The following SIPA1L1 variants were observed in gnomAD, a reference collection of about 807,000 sequenced individuals.
SIPA1L1 encodes signal-induced proliferation-associated 1-like protein 1.
A neutral mutation model predicts 162.7 loss-of-function variants in SIPA1L1; 26 were observed. That is an observed-to-expected ratio of 0.16 (90% CI 0.12 to 0.22). The LOEUF (loss-of-function observed/expected upper bound fraction) is 0.22. Ranked by LOEUF, SIPA1L1 falls within the 10% of genes least tolerant of loss-of-function variation. SIPA1L1 has a pLI of 1.00. For missense variants in SIPA1L1, 1,874 were observed against 2,241.0 expected, an observed-to-expected ratio of 0.84 and a Z score of 3.31; for synonymous variants, 829 against 837.4, an observed-to-expected ratio of 0.99 and a Z score of 0.17.
At chr14:71,464,133 C>T (rs1051878808) in intron 2 of SIPA1L1, among the ~76,000 whole-genome samples, 1 of 152,184 alleles carries the variant, frequency 6.6e-6, no homozygotes, top group African/African-American at 2.4e-5. Context: ...GGTATATCTT[C>T]TGGACCTTCC....
At position 71,685,619 on chromosome 14, in the gene SIPA1L1, C is replaced by T. The variant is rs1412336613; in HGVS notation, c.3362C>T (p.Pro1121Leu). The T allele has an allele frequency of 6.2e-7, 1 of 1,614,092 alleles. No individual in the cohort carries two copies. The highest frequency in any genetic ancestry group is 8.5e-7 in the Non-Finnish European group (1 of 1,179,996). ...IPRSISSDGR[P>L]LERRLSPGSD... ...CGAAGCATCTCCAGTGACGGGCGCC[C>T]ACTAGAGAGGCGGTAAGTGTGCCTT... The change falls in exon 13 of 24, where the codon CCA becomes CTA. Residue 1121 changes from proline to leucine, a missense_variant. Pro to Leu is a moderately conservative substitution (Grantham distance 98, BLOSUM62 -3). Transcript: ENST00000381232.
chr14:71,707,352 C>G (rs2082526635), intron 16 of SIPA1L1, among the ~76,000 whole-genome samples: 1 of 152,120 alleles, frequency 6.6e-6, no homozygotes, highest in Non-Finnish European at 1.5e-5. Context: ...AATTCACATA[C>G]CATAGTATTT....
intron 2 of SIPA1L1, among the ~76,000 whole-genome samples, chr14:71,323,066 T>TA (rs1433571303): frequency 6.6e-6 from 1 of 152,264 alleles, no homozygotes; most frequent in South Asian, 2.1e-4. Flanking sequence ...TCTCTGTCCT[T>TA]ACACTAGTAT....
chr14:71,641,292 A>C (rs1388739688), intron 7 of SIPA1L1, among the ~76,000 whole-genome samples: 1 of 152,048 alleles, frequency 6.6e-6, no homozygotes, highest in African/African-American at 2.4e-5. Context: ...AAAAAAAAAA[A>C]AAAATCAAAT....
intron 2 of SIPA1L1, among the ~76,000 whole-genome samples, chr14:71,339,299 G>A (rs550637624): frequency 2.0e-4 from 30 of 152,082 alleles, no homozygotes; most frequent in Admixed American, 1.8e-3. Context: ...TTACTGACAA[G>A]CCCTCCTTGT....
At chr14:71,687,655 G>A (rs931505103) in intron 13 of SIPA1L1, among the ~76,000 whole-genome samples, 7 of 152,194 alleles carry the variant, frequency 4.6e-5, no homozygotes, top group African/African-American at 1.7e-4. Context: ...ATATTTCGAT[G>A]GGAGCAGCTT....
At chr14:71,715,081 A>G (rs529824293) in intron 17 of SIPA1L1, among the ~76,000 whole-genome samples, 4 of 152,334 alleles carry the variant, frequency 2.6e-5, no homozygotes, top group African/African-American at 7.2e-5. Context: ...GCCTTAACCT[A>G]GTTATTGGAT....
intron 2 of SIPA1L1, among the ~76,000 whole-genome samples, chr14:71,447,562 ATTTT>A (rs61686460): frequency 1.3e-4 from 16 of 127,774 alleles, no homozygotes; most frequent in Non-Finnish European, 1.7e-4. Flanking sequence ...TGTACTGTGG[ATTTT>A]TTTTTTTTTT....
At chr14:71,405,382 A>G (rs899404699) in intron 2 of SIPA1L1, among the ~76,000 whole-genome samples, 25 of 152,210 alleles carry the variant, frequency 1.6e-4, no homozygotes, top group African/African-American at 3.1e-4. Flanking sequence ...GAAATTGAAG[A>G]GAAATAACTA....
chr14:71,608,416 A>C (rs1000724507), intron 5 of SIPA1L1, among the ~76,000 whole-genome samples: 5 of 152,232 alleles, frequency 3.3e-5, no homozygotes, highest in African/African-American at 1.2e-4. Flanking sequence ...AATATAAGGA[A>C]ATTCATTTAC....
intron 2 of SIPA1L1, among the ~76,000 whole-genome samples, chr14:71,493,297 T>C (rs554732933): frequency 6.6e-6 from 1 of 152,194 alleles, no homozygotes; most frequent in African/African-American, 2.4e-5. Flanking sequence ...TTTCACCATG[T>C]TACCCAGGCT....
In SIPA1L1 at chr14:71,454,300, A is replaced by T. The variant is rs570588312; in HGVS notation, c.-464-58443A>T. Among the ~76,000 whole-genome samples, 65 of 152,324 alleles carry T rather than the reference A, an allele frequency of 4.3e-4. No individual in the cohort carries two copies. In the South Asian group the frequency reaches 0.013, roughly 31 times the overall value. On this transcript the variant is annotated intron_variant, in intron 2 of 23. Coordinates refer to ENST00000381232, the MANE Select transcript of SIPA1L1 (RefSeq NM_001386936.1). ...TGATCTTATGATTTTACTTGCGGAAAAACTATAGTATTTAGAACCTTTGGT... is the reference window on the plus strand; with the variant it reads ...TGATCTTATGATTTTACTTGCGGAATAACTATAGTATTTAGAACCTTTGGT...
intron 6 of SIPA1L1, among the ~76,000 whole-genome samples, 194 bp from the exon 7 acceptor site, chr14:71,623,854 A>G (rs2039699276): frequency 6.6e-6 from 1 of 152,150 alleles, no homozygotes; most frequent in South Asian, 2.1e-4. Context: ...TGGTCTTGAA[A>G]GCATTGGTTT....
At chr14:71,465,568 T>G (rs938345134) in intron 2 of SIPA1L1, among the ~76,000 whole-genome samples, 2 of 152,218 alleles carry the variant, frequency 1.3e-5, no homozygotes, top group Non-Finnish European at 2.9e-5. Flanking sequence ...TGCCAAGGAC[T>G]CTCAGTGTTA....
intron 3 of SIPA1L1, among the ~76,000 whole-genome samples, chr14:71,518,008 A>G (rs2051916855): frequency 6.6e-6 from 1 of 152,122 alleles, no homozygotes; most frequent in East Asian, 1.9e-4. Context: ...GGCTGGACGG[A>G]CACAGTGGCT....
At chr14:71,338,984 C>T (rs754650247) in intron 2 of SIPA1L1, among the ~76,000 whole-genome samples, 3 of 152,132 alleles carry the variant, frequency 2.0e-5, no homozygotes, top group Non-Finnish European at 4.4e-5. Flanking sequence ...AAGTGATCTG[C>T]CTGCCTTGGC....
chr14:71,430,255 T>A (rs1229979874), intron 2 of SIPA1L1, among the ~76,000 whole-genome samples: 3 of 152,210 alleles, frequency 2.0e-5, no homozygotes, highest in Non-Finnish European at 4.4e-5. Flanking sequence ...TTTCCTTTTT[T>A]TTTGCATGGT....
rs138706187 is a variant in SIPA1L1 at position 71,493,921 on chromosome 14, G to T, written c.-464-18822G>T. ...ATACTCCTGATCACTGATGATGTGG[G>T]CAGGCCAGCCCGAAGGGACTCCGTG... On this transcript the variant is annotated intron_variant, in intron 2 of 23. Transcript: ENST00000381232. 5.6e-4 allele frequency among the ~76,000 whole-genome samples: 86 copies of T among 152,256 alleles called. No individual in the cohort carries two copies. In the East Asian group the frequency reaches 0.014, roughly 25 times the overall value.
At chr14:71,467,843 C>G (rs2047122332) in intron 2 of SIPA1L1, among the ~76,000 whole-genome samples, 1 of 140,418 alleles carries the variant, frequency 7.1e-6, no homozygotes, top group Non-Finnish European at 1.6e-5. Context: ...TAACTAGACC[C>G]CCATCTCTTA....
Sources: allele counts gnomAD v4.1 joint callset (sites outside exome capture counted in the v4.1 genomes callset), GRCh38; gene constraint gnomAD v4.1.1; transcripts MANE v1.5; gene names NCBI Gene and HGNC (gene_info 2026-07-23, HGNC 2026-07-21).